TTN: variants seen among roughly 807,000 people sequenced by gnomAD.
The protein encoded by TTN is connectin.
In TTN, 1,525 loss-of-function variants were observed where a neutral mutation model predicts 3,223.0. That is an observed-to-expected ratio of 0.47 (90% confidence interval 0.45 to 0.49). The LOEUF is 0.49. Among genes scored for constraint, TTN ranks in the 20% least tolerant of loss-of-function variants. The pLI is 0.00. For missense variants in TTN, 40,786 were observed against 43,424.0 expected (o/e 0.94, Z 5.40); for synonymous variants, 14,094 against 15,161.0 (o/e 0.93, Z 5.17).
chr2:178,785,766 A>T (rs1457912742), intron 14 of TTN, 24 bp from the exon 15 acceptor site: 1 of 1,614,026 alleles, frequency 6.2e-7, no homozygotes, highest in Admixed American at 1.7e-5. Flanking sequence ...AAACTCAGTG[A>T]TACCATTGAT....
intron 318 of TTN, 37 bp downstream of exon 318, chr2:178,579,902 T>A (rs1350223734): frequency 6.2e-7 from 1 of 1,612,430 alleles, no homozygotes; most frequent in South Asian, 1.1e-5. Flanking sequence ...AGGAAGGATA[T>A]AACTCAAAAT....
At position 178,569,340 on chromosome 2, in the gene TTN, C is replaced by T. The variant is rs763761448; in HGVS notation, c.76792G>A (p.Val25598Ile). The T allele has an allele frequency of 6.2e-7, 1 of 1,613,438 alleles. No individual in the cohort carries two copies. The highest frequency in any genetic ancestry group is 1.1e-5 in the South Asian group (1 of 91,032). Residue 25598 changes from valine (V) to isoleucine (I), a missense_variant, in exon 326 of 363, where the codon GTT (valine) becomes ATT (isoleucine). By Grantham distance (29) the Val-to-Ile change is conservative. Coordinates refer to ENST00000589042, the MANE Select transcript of TTN (RefSeq NM_001267550.2). ...GTKSAFVTVRVLDTPSPPVNL... is the reference protein window; with the variant it reads ...GTKSAFVTVRILDTPSPPVNL... ...ACAGGTGGACTTGGCGTGTCCAGAACTCTCACAGTAACAAAGGCAGACTTT... is the reference window on the plus strand; with the variant it reads ...ACAGGTGGACTTGGCGTGTCCAGAATTCTCACAGTAACAAAGGCAGACTTT...
At chr2:178,581,353 AC>A (rs1269913600) in intron 316 of TTN, 145 bp downstream of exon 316, 1 of 526,166 alleles carries the variant, frequency 1.9e-6, no homozygotes, top group Non-Finnish European at 3.0e-6. Context: ...ACCGTAAAGT[AC>A]CCACCCAGCT....
At position 178,714,194 on chromosome 2, in the gene TTN, G is replaced by C. The variant is rs759530667; in HGVS notation, c.26483-19C>G. 5 of 1,597,072 alleles carry C rather than the reference G, an allele frequency of 3.1e-6. No homozygotes were observed. The highest frequency in any genetic ancestry group is 1.7e-6 in the Non-Finnish European group (2 of 1,173,128). ...GCAGGCTCTGGAATGAAATGTAAAA[G>C]ATATCCATATTTTAAACTCAAATTG... is the stretch of plus-strand genomic sequence containing the variant. On this transcript the variant is annotated intron_variant, in intron 91 of 362. Coordinates refer to ENST00000589042, the MANE Select transcript of TTN (RefSeq NM_001267550.2).
At chr2:178,652,619 A>G (rs753142733) in intron 201 of TTN, 34 bp downstream of exon 201, 12 of 1,611,020 alleles carry the variant, frequency 7.4e-6, no homozygotes, top group Non-Finnish European at 1.0e-5. Flanking sequence ...TAGAAGAGAT[A>G]GATCTTCTGA....
Position 178,583,500 on chromosome 2 carries a change from T to C in TTN, c.65575+107A>G, listed in dbSNP as rs888080077. ...GTTTGTGTCTATATACAAAACATCA[T>C]TTTAATTTTCCTTTTTTCCTTAGGT... On this transcript the variant is annotated intron_variant, in intron 312 of 362. Transcript: ENST00000589042. The C allele has an allele frequency of 1.1e-5, 13 of 1,213,354 alleles. No individual in the cohort carries two copies. The East Asian group carries it at 3.1e-4, about 29-fold the overall frequency. 75.2% of individuals were successfully genotyped at this position (1,213,354 alleles called of 1,614,324 possible). A position where few individuals can be genotyped will look rare whatever the true frequency, so the allele number is the denominator to read the frequency against.
chr2:178,782,531 T>C lies in TTN; in HGVS notation c.3164+8A>G, dbSNP rs2092871887. 6.8e-6 allele frequency: 11 copies of C among 1,613,940 alleles called. No individual in the cohort carries two copies. In the East Asian group the frequency reaches 2.2e-4, roughly 33 times the overall value. On this transcript the variant is annotated splice_region_variant and intron_variant, in intron 19 of 362. Transcript: ENST00000589042. The stretch of plus-strand genomic sequence containing the variant: ...CTAGAACAGCTACTAATTAGCAAAA[T>C]ATTTTACCGTTTCTCTTCTGTAGTA...
Position 178,725,842 on chromosome 2 carries a change from T to C in TTN, c.20480A>G (p.Asp6827Gly), listed in dbSNP as rs911478772. 8.7e-6 allele frequency: 14 copies of C among 1,613,214 alleles called. No homozygotes were observed. The highest frequency in any genetic ancestry group is 1.3e-5 in the African/African-American group (1 of 74,892). Residue 6827 changes from aspartate (D) to glycine (G), a missense_variant, in exon 70 of 363, where the codon GAC (aspartate) becomes GGC (glycine). Asp to Gly is a moderately conservative substitution (Grantham distance 94). Transcript: ENST00000589042. ...TGCTTTGCAGTGGTATTCACCGATG[T>C]CTGAAGTGTCCACATTGAGAATGTG... The part of the protein sequence containing the change: ...SIHILNVDTS[D>G]IGEYHCKAQN...
rs757016012 is a variant in TTN at position 178,611,139 on chromosome 2, G to A, written c.50990C>T (p.Ala16997Val). 1.9e-6 allele frequency: 3 copies of A among 1,612,786 alleles called. No individual in the cohort carries two copies. Among genetic ancestry groups the A allele is most frequent in the Non-Finnish European group, 2.5e-6 (3 of 1,179,220 alleles). The change falls in exon 270 of 363, where the codon GCA becomes GTA. Residue 16997 changes from alanine (A) to valine (V), a missense_variant. Coordinates refer to ENST00000589042, the MANE Select transcript of TTN (RefSeq NM_001267550.2). ...SWHKDGKEVK[A>V]SDRLTMKNDH... ...ATTCTTCATTGTTAATCTATCACTT[G>A]CTTTAACTTCTTTGCCATCTTTATG...
In TTN at chr2:178,605,255, G is replaced by A. The variant is rs777250459; in HGVS notation, c.53922C>T (p.Asp17974=). The A allele has an allele frequency of 3.1e-6, 5 of 1,605,638 alleles. No individual in the cohort carries two copies. Among genetic ancestry groups the A allele is most frequent in the South Asian group, 2.2e-5 (2 of 90,010 alleles). ...TIKLRLSVRG[D]TIKVKAGEPV... ...GCTCTCCTGCCTTAACTTTGATAGT[G>A]TCTCCTCGAACACTCAGACGCAACT... The change falls in exon 280 of 363, where the codon GAC becomes GAT. Residue 17974 remains aspartate (D), a synonymous_variant. Transcript: ENST00000589042.
At chr2:178,630,500 T>C in intron 238 of TTN, 133 bp from the exon 239 acceptor site, 1 of 1,224,908 alleles carries the variant, frequency 8.2e-7, no homozygotes, top group East Asian at 2.6e-5. Flanking sequence ...TTGAGCTCTT[T>C]TTTTAGGAAG....
rs879008666 is a variant in TTN at position 178,548,538 on chromosome 2, G to A, written c.93088C>T (p.Arg31030Trp). ...PGPITFKDVTRGSATLMWDAP... is the reference protein window; with the variant it reads ...PGPITFKDVTWGSATLMWDAP... ...TCCCACATCAATGTAGCAGATCCCC[G>A]GGTCACATCTTTGAAGGTAATTGGG... Residue 31030 changes from arginine (R) to tryptophan (W), a missense_variant, in exon 339 of 363, where the codon CGG becomes TGG. By Grantham distance (101) the Arg-to-Trp change is moderately radical. Transcript: ENST00000589042. This position sits in a 1 kb window ranked among gnomAD's most constrained non-coding sequence, Gnocchi z 4.3. 6 of 1,613,664 alleles carry A rather than the reference G, an allele frequency of 3.7e-6. No homozygotes were observed. Among genetic ancestry groups the A allele is most frequent in the East Asian group, 4.5e-5 (2 of 44,876 alleles).
chr2:178,775,235 G>C, intron 28 of TTN, 33 bp from the exon 29 acceptor site: 1 of 1,613,140 alleles, frequency 6.2e-7, no homozygotes, highest in Non-Finnish European at 8.5e-7. Flanking sequence ...AAAGGGGAGA[G>C]CACATTATAT....
intron 223 of TTN, among the ~76,000 whole-genome samples, chr2:178,638,350 TGAC>T (rs1381983020): frequency 6.6e-6 from 1 of 150,698 alleles, no homozygotes; most frequent in Admixed American, 6.6e-5. Context: ...AAATATAAAA[TGAC>T]TAATTATTGA....
Position 178,778,868 on chromosome 2 carries a change from T to C in TTN, c.4208+6A>G. ...ACTAAATAACCCAAATTATTACAAG[T>C]CTTACCTGATTCTGCTCACTGGCTC... is the stretch of plus-strand genomic sequence containing the variant. On this transcript the variant is annotated splice_donor_region_variant and intron_variant, in intron 24 of 362. Coordinates refer to ENST00000589042, the MANE Select transcript of TTN (RefSeq NM_001267550.2). 6.2e-7 allele frequency: 1 copy of C among 1,613,860 alleles called. No homozygotes were observed. Among genetic ancestry groups the C allele is most frequent in the South Asian group, 1.1e-5 (1 of 91,070 alleles).
chr2:178,588,624 T>C lies in TTN; in HGVS notation c.63101A>G (p.Tyr21034Cys). 1.3e-6 allele frequency: 2 copies of C among 1,597,612 alleles called. No homozygotes were observed. Among genetic ancestry groups the C allele is most frequent in the Non-Finnish European group, 1.7e-6 (2 of 1,172,926 alleles). Residue 21034 changes from tyrosine to cysteine, a missense_variant, in exon 304 of 363, where the codon TAT (tyrosine) becomes TGT (cysteine). Transcript: ENST00000589042. Reference sequence around the variant, plus strand: ...ATTTTCTGCCTTGACACGGAACTGATATTCATGGTCTGGGAGGAGATTCTG... The same window carrying C: ...ATTTTCTGCCTTGACACGGAACTGACATTCATGGTCTGGGAGGAGATTCTG... Reference protein sequence around the residue: ...KVQNLLPDHEYQFRVKAENEI... With the variant: ...KVQNLLPDHECQFRVKAENEI...
rs769997720 is a variant in TTN at position 178,653,016 on chromosome 2, G to C, written c.38875+25C>G. Reference sequence around the variant, plus strand: ...CAAGAAATGAAGAGTTCAGTCTTCTGAAGCCTAAAGCCAGTGACAAATACC... The same window carrying C: ...CAAGAAATGAAGAGTTCAGTCTTCTCAAGCCTAAAGCCAGTGACAAATACC... On this transcript the variant is annotated intron_variant, in intron 199 of 362. Coordinates refer to ENST00000589042, the MANE Select transcript of TTN (RefSeq NM_001267550.2). 19 of 1,611,340 alleles carry C rather than the reference G, an allele frequency of 1.2e-5. No individual in the cohort carries two copies. The South Asian group carries it at 1.9e-4, about 16-fold the overall frequency.
Position 178,556,976 on chromosome 2 carries a change from G to C in TTN, c.88178C>G (p.Thr29393Ser), listed in dbSNP as rs746109021. ...AGTCAAGCCAGAGATGATGAATTGA[G>C]TTTCAGTAACATTGGTGAAGCTGGC... ...TKASFTNVTE[T>S]QFIISGLTQN... The change falls in exon 330 of 363, where the codon ACT becomes AGT. Residue 29393 changes from threonine (T) to serine (S), a missense_variant. By Grantham distance (58) the Thr-to-Ser change is moderately conservative. Coordinates refer to ENST00000589042, the MANE Select transcript of TTN (RefSeq NM_001267550.2). 6.2e-7 allele frequency: 1 copy of C among 1,613,814 alleles called. No homozygotes were observed. Among genetic ancestry groups the C allele is most frequent in the South Asian group, 1.1e-5 (1 of 91,074 alleles).
At position 178,562,745 on chromosome 2, in the gene TTN, G is replaced by C. The variant is rs368241592; in HGVS notation, c.83387C>G (p.Ala27796Gly). 6.2e-7 allele frequency: 1 copy of C among 1,611,768 alleles called. No homozygotes were observed. The highest frequency in any genetic ancestry group is 8.5e-7 in the Non-Finnish European group (1 of 1,178,714). ...SWEPPLIDGG[A>G]KITNYIVEKR... ...TTCGACAATGTAGTTTGTAATCTTA[G>C]CTCCACCATCAATAAGTGGTGGTTC... The change falls in exon 326 of 363, where the codon GCT (alanine) becomes GGT (glycine). Residue 27796 changes from alanine (A) to glycine (G), a missense_variant. Ala to Gly is a moderately conservative substitution (Grantham distance 60). Transcript: ENST00000589042.
Sources: gnomAD v4.1 joint callset for allele counts (sites outside exome capture counted in the v4.1 genomes callset) on GRCh38, gnomAD v4.1.1 for gene constraint, Gnocchi (gnomAD v3.1) non-coding constraint, MANE v1.5 for transcripts, NCBI Gene and HGNC (gene_info 2026-07-23, HGNC 2026-07-21) for gene names.